Variants in ST8SIA1 observed in about 807,000 individuals in gnomAD.
ST8SIA1 encodes the protein alpha-N-acetylneuraminide alpha-2,8-sialyltransferase.
A neutral mutation model predicts 35.9 loss-of-function variants in ST8SIA1; 16 were observed. The ratio of observed to expected loss-of-function variants is 0.45; its 90% CI spans 0.30 to 0.68. ST8SIA1 has a LOEUF of 0.68. Ranked by LOEUF, ST8SIA1 falls within the 30% of genes least tolerant of loss-of-function variation. ST8SIA1 has a pLI of 0.09. For synonymous variants in ST8SIA1, 170 were observed against 169.6 expected, an observed-to-expected ratio of 1.00 and a Z score of -0.02; for missense variants, 383 against 453.6, an observed-to-expected ratio of 0.84 and a Z score of 1.41.
At chr12:22,300,800 A>G (rs1278052224) in intron 1 of ST8SIA1, among the ~76,000 whole-genome samples, 1 of 152,200 alleles carries the variant, frequency 6.6e-6, no homozygotes, top group Non-Finnish European at 1.5e-5. Context: ...TCTCAAAATC[A>G]AATTATAAAT....
intron 1 of ST8SIA1, among the ~76,000 whole-genome samples, chr12:22,331,861 TA>T (rs1304821787): frequency 6.6e-6 from 1 of 152,184 alleles, no homozygotes; most frequent in African/African-American, 2.4e-5. Flanking sequence ...CAGATTTCCT[TA>T]TTTAAGTTGT....
chr12:22,310,138 C>G lies in ST8SIA1; in HGVS notation c.237-22845G>C, dbSNP rs146663855. 7.3e-3 allele frequency among the ~76,000 whole-genome samples: 1,113 copies of G among 152,118 alleles called. 12 individuals carry two copies. The highest frequency in any genetic ancestry group is 0.025 in the African/African-American group (1,056 of 41,482). On this transcript the variant is annotated intron_variant, in intron 1 of 4. Transcript: ENST00000396037. ...AGTTTTCTCATTTATAAAATAAGGA[C>G]AAAATTAGCTGATTACAAATGAAAG...
chr12:22,261,414 C>A (rs537116062), intron 2 of ST8SIA1, among the ~76,000 whole-genome samples: 31 of 152,332 alleles, frequency 2.0e-4, no homozygotes, highest in African/African-American at 6.0e-4. Context: ...CAGGCGTGAG[C>A]CACCATGCCC....
chr12:22,223,460 G>A (rs1865322443), intron 4 of ST8SIA1: 1 of 969,586 alleles, frequency 1.0e-6, no homozygotes, highest in African/African-American at 1.8e-5. Context: ...GCCTTTCTCA[G>A]ACTTCTTTAT....
chr12:22,209,780 T>C (rs1302425666), intron 4 of ST8SIA1, among the ~76,000 whole-genome samples: 3 of 152,222 alleles, frequency 2.0e-5, no homozygotes, highest in Non-Finnish European at 2.9e-5. Context: ...GTATTCTTTT[T>C]ATATTTTCTT....
Position 22,320,314 on chromosome 12 carries a change from C to T in ST8SIA1, c.236+13683G>A, listed in dbSNP as rs1388432548. On this transcript the variant is annotated intron_variant, in intron 1 of 4. Transcript: ENST00000396037. Reference sequence around the variant, plus strand: ...CTGGGAATTACAGTCAAGGCCCCACCCTGAGGCCAAAATAGGCTAAGTACC... The same window carrying T: ...CTGGGAATTACAGTCAAGGCCCCACTCTGAGGCCAAAATAGGCTAAGTACC... Among the ~76,000 whole-genome samples, 4 of 152,242 alleles carry T rather than the reference C, an allele frequency of 2.6e-5. No individual in the cohort carries two copies. In the East Asian group the frequency reaches 5.8e-4, roughly 22 times the overall value.
chr12:22,270,344 C>T (rs890446896), intron 2 of ST8SIA1, among the ~76,000 whole-genome samples: 2 of 152,182 alleles, frequency 1.3e-5, no homozygotes, highest in African/African-American at 4.8e-5. Context: ...TAGTCTTCAA[C>T]AAACTATAGT....
chr12:22,229,382 TGAGGTGG>T (rs1865390810), intron 4 of ST8SIA1, among the ~76,000 whole-genome samples: 2 of 151,976 alleles, frequency 1.3e-5, no homozygotes, highest in Admixed American at 1.3e-4. Flanking sequence ...TTTGGGAGGC[TGAGGTGG>T]GAGGATCACT....
intron 2 of ST8SIA1, among the ~76,000 whole-genome samples, chr12:22,267,284 T>C (rs1267705163): frequency 6.6e-6 from 1 of 152,196 alleles, no homozygotes; most frequent in Admixed American, 6.5e-5. Flanking sequence ...ACTAGGCACC[T>C]GAACTATCAG....
chr12:22,266,394 G>T (rs1865849078), intron 2 of ST8SIA1, among the ~76,000 whole-genome samples: 1 of 151,908 alleles, frequency 6.6e-6, no homozygotes, highest in African/African-American at 2.4e-5. Context: ...ATACTTCAGA[G>T]ACTTCCAAAC....
At chr12:22,305,485 A>G (rs1263756122) in intron 1 of ST8SIA1, among the ~76,000 whole-genome samples, 1 of 148,762 alleles carries the variant, frequency 6.7e-6, no homozygotes, top group Non-Finnish European at 1.5e-5. Context: ...GCTTCAAGCT[A>G]TTCTCCTGCC....
At chr12:22,257,378 A>ATTT (rs34136511) in intron 2 of ST8SIA1, among the ~76,000 whole-genome samples, 7 of 118,594 alleles carry the variant, frequency 5.9e-5, no homozygotes, top group African/African-American at 9.7e-5. Context: ...TGCCCAGCTA[A>ATTT]TTTTTTTTTT....
intron 1 of ST8SIA1, among the ~76,000 whole-genome samples, chr12:22,297,665 C>T (rs560563888): frequency 6.6e-6 from 1 of 152,138 alleles, no homozygotes; most frequent in African/African-American, 2.4e-5. Context: ...CAACCTTTAA[C>T]TGACTGTCAT....
At chr12:22,285,662 C>T (rs997141497) in intron 2 of ST8SIA1, among the ~76,000 whole-genome samples, 3 of 151,814 alleles carry the variant, frequency 2.0e-5, no homozygotes, top group Non-Finnish European at 2.9e-5. Context: ...ACTTGAGGTC[C>T]GGAGTTCGAG....
At chr12:22,218,831 TAAATAAAATA>T (rs982658342) in intron 4 of ST8SIA1, among the ~76,000 whole-genome samples, 1 of 150,646 alleles carries the variant, frequency 6.6e-6, no homozygotes, top group Admixed American at 6.6e-5. Context: ...AAAAAATAAA[TAAATAAAATA>T]AAATAAAATA....
chr12:22,208,433 A>G (rs1040332162), intron 4 of ST8SIA1, among the ~76,000 whole-genome samples: 4 of 152,152 alleles, frequency 2.6e-5, no homozygotes, highest in African/African-American at 9.6e-5. Context: ...TATTAAAATA[A>G]TACAATAAAA....
intron 1 of ST8SIA1, among the ~76,000 whole-genome samples, chr12:22,288,064 T>C (rs1866125382): frequency 6.6e-6 from 1 of 152,210 alleles, no homozygotes; most frequent in Non-Finnish European, 1.5e-5. Flanking sequence ...ACTTGCAGGC[T>C]ACTCCCCAGC....
intron 1 of ST8SIA1, among the ~76,000 whole-genome samples, chr12:22,314,082 G>A (rs1172748564): frequency 2.0e-5 from 3 of 152,138 alleles, no homozygotes; most frequent in Admixed American, 2.0e-4. Flanking sequence ...TGTCAAGGAA[G>A]CTGTTTTCCC....
intron 2 of ST8SIA1, among the ~76,000 whole-genome samples, chr12:22,266,387 C>T (rs1383561862): frequency 6.6e-6 from 1 of 151,982 alleles, no homozygotes; most frequent in African/African-American, 2.4e-5. Context: ...TTATTCAATA[C>T]TTCAGAGACT....
Sources: gnomAD v4.1 joint callset for allele counts (sites outside exome capture counted in the v4.1 genomes callset) on GRCh38, gnomAD v4.1.1 for gene constraint, MANE v1.5 for transcripts, NCBI Gene and HGNC (gene_info 2026-07-23, HGNC 2026-07-21) for gene names.